The following DOCK8 variants were observed in gnomAD, a reference collection of about 807,000 sequenced individuals.
DOCK8 encodes the protein dedicator of cytokinesis protein 8.
In DOCK8, 141 loss-of-function variants were observed where a neutral mutation model predicts 245.6. The observed-to-expected ratio is 0.57, with a 90% CI of 0.50 to 0.66. DOCK8 has a LOEUF of 0.66. Ranked by LOEUF, DOCK8 falls within the 30% of genes least tolerant of loss-of-function variation. The probability of loss-of-function intolerance (pLI) is 0.00; values close to 1 mark genes in which losing one functional copy is unlikely to be tolerated. For synonymous variants in DOCK8, 1,168 were observed against 970.2 expected, an observed-to-expected ratio of 1.20 and a Z score of -3.79; for missense variants, 2,965 against 2,603.4, an observed-to-expected ratio of 1.14 and a Z score of -3.02.
intron 4 of DOCK8, among the ~76,000 whole-genome samples, chr9:304,045 A>G (rs2130584547): frequency 6.6e-6 from 1 of 152,314 alleles, no homozygotes; most frequent in Admixed American, 6.5e-5. Flanking sequence ...CCACAGCTGT[A>G]TATTATTCAA....
At chr9:379,732 C>T (rs2053663875) in intron 20 of DOCK8, 39 bp from the exon 21 acceptor site, 1 of 1,612,466 alleles carries the variant, frequency 6.2e-7, no homozygotes, top group Non-Finnish European at 8.5e-7. Context: ...TCCTTAAGGA[C>T]CAGCTGTGGG....
chr9:281,499 C>G (rs1359262335), intron 2 of DOCK8, among the ~76,000 whole-genome samples: 1 of 151,870 alleles, frequency 6.6e-6, no homozygotes, highest in Non-Finnish European at 1.5e-5. Flanking sequence ...TGCCTTGAAC[C>G]GATCTTAGGA....
At chr9:296,947 C>T (rs936726249) in intron 4 of DOCK8, among the ~76,000 whole-genome samples, 12 of 152,146 alleles carry the variant, frequency 7.9e-5, no homozygotes, top group Admixed American at 7.9e-4. Context: ...TCTGATTTTC[C>T]ATGCCAGGCA....
In DOCK8 at chr9:424,404, C is replaced by CTT. The variant is rs985334672; in HGVS notation, c.4241+2278_4241+2279dup. ...GGAATAGATGGTAAGCTTTTCTTTT[C>CTT]TTTTTTTTTTCTTTTCTTTTTTTGA... On this transcript the variant is annotated intron_variant, in intron 33 of 47. Transcript: ENST00000432829. 2.0e-5 allele frequency among the ~76,000 whole-genome samples: 3 copies of CTT among 149,144 alleles called. No individual in the cohort carries two copies. The South Asian group carries it at 6.4e-4, about 32-fold the overall frequency.
chr9:378,696 G>T (rs992709962), intron 20 of DOCK8, among the ~76,000 whole-genome samples: 7 of 152,238 alleles, frequency 4.6e-5, no homozygotes, highest in African/African-American at 1.7e-4. Context: ...GTTTTGAGCA[G>T]CTTCTCCATA....
intron 1 of DOCK8, among the ~76,000 whole-genome samples, chr9:225,815 C>T (rs2131354421): frequency 6.6e-6 from 1 of 152,196 alleles, no homozygotes; most frequent in South Asian, 2.1e-4. Flanking sequence ...TCAAGGAAAG[C>T]ATCTCTTAGA....
In DOCK8 at chr9:382,495, C is replaced by A; in HGVS notation, c.2606-18C>A. On this transcript the variant is annotated intron_variant, in intron 21 of 47. Coordinates refer to ENST00000432829, the MANE Select transcript of DOCK8 (RefSeq NM_203447.4). The stretch of plus-strand genomic sequence containing the variant: ...TGTTCCCCTGTCTGTTGACATGTCT[C>A]TGCCTGGTGGGGTGCAGGCGCTCCC... The A allele has an allele frequency of 6.2e-7, 1 of 1,613,306 alleles. No homozygotes were observed. The highest frequency in any genetic ancestry group is 8.5e-7 in the Non-Finnish European group (1 of 1,179,860).
chr9:263,453 A>G (rs1237785647), intron 1 of DOCK8, among the ~76,000 whole-genome samples: 1 of 152,108 alleles, frequency 6.6e-6, no homozygotes, highest in Non-Finnish European at 1.5e-5. Flanking sequence ...TTTTAATTCT[A>G]TGTATATTTT....
At position 396,751 on chromosome 9, in the gene DOCK8, T is replaced by C. The variant is rs565990579; in HGVS notation, c.2971-34T>C. On this transcript the variant is annotated intron_variant, in intron 24 of 47. Transcript: ENST00000432829. ...GCATTGTACAAGCAGGTCACCAATC[T>C]CCATGTTGACATTTCCTCCATCCCC... is the stretch of plus-strand genomic sequence containing the variant. 4.3e-6 allele frequency: 7 copies of C among 1,613,730 alleles called. No homozygotes were observed. In the African/African-American group the frequency reaches 6.7e-5, roughly 15 times the overall value.
In DOCK8 at chr9:220,779, G is replaced by A. The variant is rs192257794; in HGVS notation, c.53+5750G>A. ...TCTGTCGCCCAGGCTGGAGTACAGT[G>A]GGGCCATCTCGGCTCACTGCAACCT... is the stretch of plus-strand genomic sequence containing the variant. On this transcript the variant is annotated intron_variant, in intron 1 of 47. Transcript: ENST00000432829. 2.4e-5 allele frequency: 9 copies of A among 377,866 alleles called. No individual in the cohort carries two copies. The Admixed American group carries it at 2.4e-4, about 10-fold the overall frequency. The allele number at this position is 377,866 out of a possible 1,614,324, so 23.4% of individuals were successfully genotyped here.
In DOCK8 at chr9:406,926, G is replaced by C. The variant is rs376525004; in HGVS notation, c.3391-4G>C. 7 of 1,613,902 alleles carry C rather than the reference G, an allele frequency of 4.3e-6. No individual in the cohort carries two copies. The African/African-American group carries it at 9.3e-5, about 22-fold the overall frequency. ...TCATAAAATGGCTCCTTACGTTTCT[G>C]TAGAACTCAAGCTCCTGCTCCAGCT... On this transcript the variant is annotated splice_region_variant and splice_polypyrimidine_tract_variant and intron_variant, in intron 27 of 47. Transcript: ENST00000432829.
Position 427,000 on chromosome 9 carries a change from C to T in DOCK8, c.4338+19C>T. Reference sequence around the variant, plus strand: ...TATCCAGGTGAGGAAAACAAACACCCAATCTGATTTGTTGGCCATGAATAT... The same window carrying T: ...TATCCAGGTGAGGAAAACAAACACCTAATCTGATTTGTTGGCCATGAATAT... On this transcript the variant is annotated intron_variant, in intron 34 of 47. Coordinates refer to ENST00000432829, the MANE Select transcript of DOCK8 (RefSeq NM_203447.4). 6.3e-7 allele frequency: 1 copy of T among 1,595,412 alleles called. No individual in the cohort carries two copies. Among genetic ancestry groups the T allele is most frequent in the Non-Finnish European group, 8.6e-7 (1 of 1,163,520 alleles).
In DOCK8 at chr9:464,560, C is replaced by T. The variant is rs951803825; in HGVS notation, c.*341C>T. ...CCATCTGAGAGATGATTTCCTCTGG[C>T]CCATATTTGAATTTATTGGAGTAAC... On this transcript the variant is annotated 3_prime_UTR_variant, in exon 48 of 48. Transcript: ENST00000432829. 5.5e-5 allele frequency: 20 copies of T among 364,266 alleles called. 1 individual carries two copies. The South Asian group carries it at 5.6e-4, about 10-fold the overall frequency. 22.6% of individuals were successfully genotyped at this position (364,266 alleles called of 1,614,324 possible).
chr9:215,098 C>T (rs201239484), intron 1 of DOCK8, 69 bp downstream of exon 1: 25 of 1,513,676 alleles, frequency 1.7e-5, no homozygotes, highest in Admixed American at 2.1e-5. Flanking sequence ...CGGAGCTTCG[C>T]TGCAGGGGCC....
chr9:313,560 A>G (rs182843101), intron 6 of DOCK8, among the ~76,000 whole-genome samples: 5 of 152,346 alleles, frequency 3.3e-5, no homozygotes, highest in Admixed American at 3.3e-4. Context: ...AATCTAAAAA[A>G]GTGGATCTCA....
chr9:240,375 C>G (rs1259301681), intron 1 of DOCK8, among the ~76,000 whole-genome samples: 2 of 151,140 alleles, frequency 1.3e-5, no homozygotes, highest in African/African-American at 4.9e-5. Flanking sequence ...TTCCCTGTGG[C>G]CACAGTTTTT....
chr9:415,402 A>G (rs1038423608), intron 29 of DOCK8, among the ~76,000 whole-genome samples: 1 of 152,334 alleles, frequency 6.6e-6, no homozygotes, highest in Middle Eastern at 3.4e-3. Context: ...AAATCATGGC[A>G]TATGTCAATA....
intron 1 of DOCK8, among the ~76,000 whole-genome samples, chr9:254,615 C>T (rs2047726101): frequency 1.3e-5 from 2 of 152,144 alleles, no homozygotes; most frequent in South Asian, 4.1e-4. Context: ...GGAACCTTGA[C>T]CTTCCTGCAT....
chr9:456,019 G>A (rs555174610), intron 46 of DOCK8, among the ~76,000 whole-genome samples: 1 of 152,206 alleles, frequency 6.6e-6, no homozygotes, highest in Non-Finnish European at 1.5e-5. Context: ...AGACAAAACA[G>A]TACTGCTGCT....
Sources: gnomAD v4.1 joint callset for allele counts (sites outside exome capture counted in the v4.1 genomes callset) on GRCh38, gnomAD v4.1.1 for gene constraint, MANE v1.5 for transcripts, NCBI Gene and HGNC (gene_info 2026-07-23, HGNC 2026-07-21) for gene names.